Variants in KCNQ3 observed in about 807,000 individuals in gnomAD.
The protein encoded by KCNQ3 is potassium voltage-gated channel subfamily Q member 3, also known as potassium voltage-gated channel subfamily KQT member 3.
KCNQ3 carries 30 observed loss-of-function variants against 92.5 expected under a neutral mutation model. The ratio of observed to expected loss-of-function variants is 0.32; its 90% confidence interval spans 0.24 to 0.44. The LOEUF is 0.44. Among genes scored for constraint, KCNQ3 ranks in the 20% least tolerant of loss-of-function variants. The pLI, the probability that KCNQ3 is intolerant of heterozygous loss-of-function variation, is 1.00. For synonymous variants in KCNQ3, 450 were observed against 468.8 expected (o/e 0.96, Z 0.52); for missense variants, 913 against 1,140.3 (o/e 0.80, Z 2.87).
At chr8:132,181,188 C>T (rs1220851623) in intron 3 of KCNQ3, among the ~76,000 whole-genome samples, 1 of 152,170 alleles carries the variant, frequency 6.6e-6, no homozygotes, top group Non-Finnish European at 1.5e-5. Context: ...GATGGTTAAG[C>T]AGGCTCTTGA....
intron 1 of KCNQ3, among the ~76,000 whole-genome samples, chr8:132,394,443 C>T (rs1037832209): frequency 2.0e-5 from 3 of 152,214 alleles, no homozygotes; most frequent in East Asian, 1.9e-4. Flanking sequence ...AGTGTGACCT[C>T]CCACCCCCCA....
At chr8:132,436,041 A>G (rs1821386015) in intron 1 of KCNQ3, among the ~76,000 whole-genome samples, 1 of 152,232 alleles carries the variant, frequency 6.6e-6, no homozygotes, top group African/African-American at 2.4e-5. Flanking sequence ...ATATTTTTCC[A>G]TGAAATTTCC....
rs1347378261 is a variant in KCNQ3 at position 132,303,616 on chromosome 8, A to G, written c.387-117435T>C. Among the ~76,000 whole-genome samples, 455 of 62,308 alleles carry G rather than the reference A, an allele frequency of 7.3e-3. 34 individuals are homozygous for G. The highest frequency in any genetic ancestry group is 0.04 in the African/African-American group (444 of 11,052). The allele number at this position is 62,308 out of a possible 152,430, so 40.9% of individuals were successfully genotyped here. ...ATATATATATGGTGTGTATATATATATATATATATATATATGGTGTATATA... is the reference window on the plus strand; with the variant it reads ...ATATATATATGGTGTGTATATATATGTATATATATATATATGGTGTATATA... On this transcript the variant is annotated intron_variant, in intron 1 of 14. Transcript: ENST00000388996.
At chr8:132,143,362 G>A (rs77103854) in intron 9 of KCNQ3, among the ~76,000 whole-genome samples, 2,718 of 152,160 alleles carry the variant, frequency 0.018, 94 homozygotes, top group African/African-American at 0.063. Context: ...CTGGCACTGC[G>A]CTGTATGGAG....
intron 10 of KCNQ3, 180 bp from the exon 11 acceptor site, chr8:132,140,358 C>T: frequency 1.7e-6 from 1 of 579,838 alleles, no homozygotes; most frequent in South Asian, 2.1e-5. Flanking sequence ...TTCTTGGCAC[C>T]CTCATTCTAT....
intron 1 of KCNQ3, among the ~76,000 whole-genome samples, chr8:132,353,577 G>A (rs751831299): frequency 6.6e-6 from 1 of 152,168 alleles, no homozygotes. Context: ...TCTTTGGGCA[G>A]CTGAAGCAGG....
intron 1 of KCNQ3, among the ~76,000 whole-genome samples, chr8:132,213,042 T>G (rs578014115): frequency 6.2e-4 from 94 of 152,342 alleles, no homozygotes; most frequent in African/African-American, 2.2e-3. Context: ...AGTGAACTTA[T>G]GGAAAACTAA....
chr8:132,439,774 C>T (rs7827302), intron 1 of KCNQ3, among the ~76,000 whole-genome samples: 32,559 of 152,134 alleles, frequency 0.21, 3,710 homozygotes, highest in Middle Eastern at 0.25. Flanking sequence ...AGAAGGGACA[C>T]AGCCCTGCTG....
intron 1 of KCNQ3, among the ~76,000 whole-genome samples, chr8:132,294,719 C>T (rs1472936237): frequency 6.6e-6 from 1 of 152,188 alleles, no homozygotes; most frequent in Non-Finnish European, 1.5e-5. Flanking sequence ...ATGCCCACCC[C>T]ATAGGAGTAC....
chr8:132,375,430 T>G (rs1323561536), intron 1 of KCNQ3, among the ~76,000 whole-genome samples: 2 of 152,152 alleles, frequency 1.3e-5, no homozygotes, highest in African/African-American at 2.4e-5. Flanking sequence ...ATTCAATCTG[T>G]CTTGATCTCA....
chr8:132,211,822 G>A (rs554023714), intron 1 of KCNQ3, among the ~76,000 whole-genome samples: 10 of 151,754 alleles, frequency 6.6e-5, no homozygotes, highest in South Asian at 4.2e-4. Flanking sequence ...GCATGGTGGC[G>A]GACACCTGTA....
chr8:132,410,824 C>T (rs994658594), intron 1 of KCNQ3, among the ~76,000 whole-genome samples: 5 of 152,340 alleles, frequency 3.3e-5, no homozygotes, highest in Admixed American at 2.0e-4. Flanking sequence ...TTATAGATAG[C>T]GTGACAGATG....
At chr8:132,387,849 T>G (rs1440364730) in intron 1 of KCNQ3, among the ~76,000 whole-genome samples, 1 of 151,922 alleles carries the variant, frequency 6.6e-6, no homozygotes, top group Non-Finnish European at 1.5e-5. Flanking sequence ...AAAAAAATTT[T>G]TTTAATTAGC....
At chr8:132,269,663 A>C (rs1159571497) in intron 1 of KCNQ3, among the ~76,000 whole-genome samples, 3 of 152,194 alleles carry the variant, frequency 2.0e-5, no homozygotes, top group Admixed American at 6.5e-5. Context: ...GAGAGAAATT[A>C]CCGTGTAGTT....
At chr8:132,247,562 G>A (rs979533991) in intron 1 of KCNQ3, among the ~76,000 whole-genome samples, 2 of 152,068 alleles carry the variant, frequency 1.3e-5, no homozygotes, top group Admixed American at 6.5e-5. Flanking sequence ...CGAGGTGGGC[G>A]GATCACCTGA....
At chr8:132,440,353 T>C (rs910186324) in intron 1 of KCNQ3, among the ~76,000 whole-genome samples, 9 of 152,174 alleles carry the variant, frequency 5.9e-5, no homozygotes, top group Non-Finnish European at 1.3e-4. Context: ...CTGTCCTTCA[T>C]GGCGCTGACC....
chr8:132,410,525 T>C (rs905831702), intron 1 of KCNQ3, among the ~76,000 whole-genome samples: 1 of 152,162 alleles, frequency 6.6e-6, no homozygotes, highest in African/African-American at 2.4e-5. Context: ...GCGAGATCCA[T>C]GAGAAAATGC....
chr8:132,480,228 G>A lies in KCNQ3; in HGVS notation c.305C>T (p.Ala102Val). ...CAAAGTTTGGATGCGCCGGTACTTG[G>A]CGTTGTTTCTCTTGACTGGGCGGCT... ...PLSRPVKRNN[A>V]KYRRIQTLIY... is the part of the protein sequence containing the mutation. Residue 102 changes from alanine to valine, a missense_variant, in exon 1 of 15, where the codon GCC (alanine) becomes GTC (valine). Transcript: ENST00000388996. 1 of 1,613,424 alleles carries A rather than the reference G, an allele frequency of 6.2e-7. No individual in the cohort carries two copies. Among genetic ancestry groups the A allele is most frequent in the Non-Finnish European group, 8.5e-7 (1 of 1,179,590 alleles).
At chr8:132,342,692 A>C (rs1316893558) in intron 1 of KCNQ3, among the ~76,000 whole-genome samples, 1 of 152,220 alleles carries the variant, frequency 6.6e-6, no homozygotes, top group African/African-American at 2.4e-5. Context: ...TGCCCTAGTC[A>C]TGCCTTTCAT....
Sources: allele counts gnomAD v4.1 joint callset (sites outside exome capture counted in the v4.1 genomes callset), GRCh38; gene constraint gnomAD v4.1.1; transcripts MANE v1.5; gene names NCBI Gene and HGNC (gene_info 2026-07-23, HGNC 2026-07-21).